Variants in NBPF12 observed in about 807,000 individuals in gnomAD.
The protein encoded by NBPF12 is NBPF member 12, also known as NBPF family member NBPF12.
Under a neutral mutation model 146.4 loss-of-function variants are expected in NBPF12, and 115 were observed. The ratio of observed to expected loss-of-function variants is 0.79; its 90% CI spans 0.68 to 0.92. The LOEUF is 0.92. Among genes scored for constraint, NBPF12 ranks in the 40% least tolerant of loss-of-function variants. The probability of loss-of-function intolerance (pLI) is 0.00; values close to 1 mark genes in which losing one functional copy is unlikely to be tolerated. For missense variants in NBPF12, 1,205 were observed against 1,326.8 expected (o/e 0.91, Z 1.43); for synonymous variants, 385 against 508.9 (o/e 0.76, Z 3.28).
chr1:146,989,370 GTCTC>G (rs1278443686), intron 27 of NBPF12, among the ~76,000 whole-genome samples, 200 bp from the exon 31 acceptor site: 7 of 141,952 alleles, frequency 4.9e-5, no homozygotes, highest in Non-Finnish European at 7.6e-5. Flanking sequence ...CTCTGTCTCT[GTCTC>G]TCTCTCTCTG....
upstream of NBPF12, among the ~76,000 whole-genome samples, chr1:146,948,926 C>T (rs1655197670): frequency 6.6e-6 from 1 of 151,522 alleles, no homozygotes; most frequent in African/African-American, 2.4e-5. Context: ...GGCAGCAATA[C>T]TGCTCTTTAA....
exon 13 of NBPF12, chr1:146,971,184 G>A: frequency 1.9e-6 from 3 of 1,611,326 alleles, no homozygotes; most frequent in East Asian, 2.2e-5. Flanking sequence ...GCTCATCAGG[G>A]AGATGCAGAA....
At chr1:146,986,047 G>C (rs1177523167) in intron 23 of NBPF12, among the ~76,000 whole-genome samples, 3 of 151,898 alleles carry the variant, frequency 2.0e-5, no homozygotes, top group African/African-American at 7.3e-5. Context: ...CATGATCACT[G>C]TTCACTGTGT....
exon 34 of NBPF12, chr1:146,994,345 C>T (rs1184279135): frequency 2.5e-6 from 4 of 1,611,580 alleles, no homozygotes; most frequent in Non-Finnish European, 3.4e-6. Context: ...CAACAGCGTG[C>T]TGATGGAAGT....
chr1:146,965,921 A>C (rs1377761252), intron 8 of NBPF12, among the ~76,000 whole-genome samples: 2 of 151,014 alleles, frequency 1.3e-5, no homozygotes, highest in Non-Finnish European at 2.9e-5. Context: ...CAGCCTGTCC[A>C]AGATGGCGAA....
chr1:146,983,063 G>A, exon 20 of NBPF12: 1 of 1,604,588 alleles, frequency 6.2e-7, no homozygotes, highest in Non-Finnish European at 8.5e-7. Context: ...TAGAGGAACA[G>A]CAAGTCTGCA....
chr1:146,995,264 TG>T (rs1425786362), exon 34 of NBPF12: 2 of 125,748 alleles, frequency 1.6e-5, no homozygotes, highest in African/African-American at 6.7e-5. Context: ...GGAGACAGCA[TG>T]TCACCCAGGA....
intron 2 of NBPF12, among the ~76,000 whole-genome samples, chr1:146,959,628 GAT>G (rs1459897031): frequency 0.022 from 382 of 17,370 alleles, 7 homozygotes; most frequent in African/African-American, 0.11. Context: ...ACAGACAAGA[GAT>G]AAACAGTGAG....
intron 1 of NBPF12, among the ~76,000 whole-genome samples, chr1:146,941,703 G>A (rs1335575744): frequency 4.4e-4 from 62 of 142,200 alleles, no homozygotes; most frequent in Admixed American, 4.0e-3. Context: ...GCATTGAGCC[G>A]AGATTACACT....
At chr1:146,941,702 C>T (rs1654810744) in intron 1 of NBPF12, among the ~76,000 whole-genome samples, 1 of 141,436 alleles carries the variant, frequency 7.1e-6, no homozygotes, top group Non-Finnish European at 1.5e-5. Context: ...TGCATTGAGC[C>T]GAGATTACAC....
At chr1:146,948,602 C>G (rs1282326713), upstream of NBPF12, among the ~76,000 whole-genome samples, 299 of 152,194 alleles carry the variant, frequency 2.0e-3, no homozygotes, top group Admixed American at 4.6e-3. Flanking sequence ...AGACACTACA[C>G]TGCGGAAGAC....
chr1:146,938,483 G>T (rs1419684861), upstream of NBPF12, among the ~76,000 whole-genome samples: 1 of 152,158 alleles, frequency 6.6e-6, no homozygotes, highest in Admixed American at 6.5e-5. Context: ...AAGGGCTGGT[G>T]CTTTGAAAGA....
intron 13 of NBPF12, among the ~76,000 whole-genome samples, chr1:146,971,744 G>C (rs1370540084): frequency 1.3e-5 from 2 of 150,736 alleles, no homozygotes; most frequent in South Asian, 4.2e-4. Context: ...CTCCTCTCAG[G>C]CTAGACTCTC....
chr1:146,966,475 A>G, exon 9 of NBPF12: 2 of 1,392,076 alleles, frequency 1.4e-6, no homozygotes, highest in East Asian at 4.6e-5. Context: ...CCCTGGCCCC[A>G]CCTCTTCTGC....
intron 18 of NBPF12, 141 bp downstream of exon 21, chr1:146,977,812 CCTT>C (rs1657143402): frequency 4.4e-6 from 3 of 686,932 alleles, no homozygotes; most frequent in East Asian, 5.4e-5. Context: ...GTTTTTTTGT[CCTT>C]CTCAGCTAAT....
chr1:146,995,739 A>G (rs1171671451), exon 34 of NBPF12: 1 of 150,516 alleles, frequency 6.6e-6, no homozygotes, highest in Non-Finnish European at 1.5e-5. Flanking sequence ...TAGTTTGTCC[A>G]TCACCATTAT....
At chr1:146,941,069 A>G (rs1399923739) in intron 1 of NBPF12, among the ~76,000 whole-genome samples, 3 of 151,944 alleles carry the variant, frequency 2.0e-5, no homozygotes, top group East Asian at 3.9e-4. Context: ...ATGTTTTTTC[A>G]TGAATGGAGA....
At chr1:146,971,209 A>G (rs1336122813) in exon 13 of NBPF12, 1 of 1,611,780 alleles carries the variant, frequency 6.2e-7, no homozygotes, top group Non-Finnish European at 8.5e-7. Flanking sequence ...GAAGAAAGCA[A>G]AGTCCCTGAG....
intron 4 of NBPF12, among the ~76,000 whole-genome samples, chr1:146,961,005 G>A (rs1426211265): frequency 1.3e-5 from 2 of 152,070 alleles, no homozygotes. Flanking sequence ...AAGTAGATGG[G>A]CGTCGTGGCG....
Sources: gnomAD v4.1 joint callset for allele counts (sites outside exome capture counted in the v4.1 genomes callset) on GRCh38, gnomAD v4.1.1 for gene constraint, MANE v1.5 for transcripts, NCBI Gene and HGNC (gene_info 2026-07-23, HGNC 2026-07-21) for gene names.